The following GMDS variants were observed in gnomAD, a reference collection of about 807,000 sequenced individuals.
The protein encoded by GMDS is GDP-mannose 4,6-dehydratase.
A neutral mutation model predicts 49.9 loss-of-function variants in GMDS; 20 were observed. The ratio of observed to expected loss-of-function variants is 0.40; its 90% CI spans 0.28 to 0.58. The LOEUF (loss-of-function observed/expected upper bound fraction) is 0.58, where lower values mean the gene tolerates loss of function less well. GMDS is among the 20% of genes least tolerant of loss of function. The pLI is 0.42. For synonymous variants in GMDS, 177 were observed against 178.6 expected (o/e 0.99, Z 0.07); for missense variants, 362 against 481.4 (o/e 0.75, Z 2.32).
At chr6:1,900,139 C>A (rs1206596376) in intron 7 of GMDS, among the ~76,000 whole-genome samples, 1 of 152,140 alleles carries the variant, frequency 6.6e-6, no homozygotes, top group Non-Finnish European at 1.5e-5. Context: ...GAGCAGGGAG[C>A]CTTATCTGGG....
chr6:1,806,471 C>G (rs1046711760), intron 7 of GMDS, among the ~76,000 whole-genome samples: 2 of 151,508 alleles, frequency 1.3e-5, no homozygotes, highest in Non-Finnish European at 2.9e-5. Flanking sequence ...CACACACACA[C>G]AGGCACGCAC....
At chr6:1,726,039 C>G (rs1326126469) in intron 9 of GMDS, among the ~76,000 whole-genome samples, 1 of 152,164 alleles carries the variant, frequency 6.6e-6, no homozygotes, top group Non-Finnish European at 1.5e-5. Context: ...ATAGACATAG[C>G]TGGAGAGGAC....
At chr6:1,629,330 C>T (rs142009797) in intron 9 of GMDS, among the ~76,000 whole-genome samples, 66 of 152,112 alleles carry the variant, frequency 4.3e-4, no homozygotes, top group Non-Finnish European at 8.5e-4. Context: ...GCTGTCTATC[C>T]ACACAAACTG....
intron 4 of GMDS, among the ~76,000 whole-genome samples, chr6:2,078,681 C>T (rs1449947421): frequency 1.3e-5 from 2 of 152,032 alleles, no homozygotes; most frequent in African/African-American, 2.4e-5. Context: ...TGTGGCCTAA[C>T]AGTCTATTCT....
chr6:2,181,211 T>C (rs906454155), intron 1 of GMDS, among the ~76,000 whole-genome samples: 9 of 147,442 alleles, frequency 6.1e-5, no homozygotes, highest in East Asian at 2.0e-4. Flanking sequence ...ATCGATGAAA[T>C]TCCATGTTTA....
intron 4 of GMDS, among the ~76,000 whole-genome samples, chr6:1,980,563 G>A (rs1765167232): frequency 1.3e-5 from 2 of 152,032 alleles, no homozygotes; most frequent in Non-Finnish European, 2.9e-5. Flanking sequence ...AGTTCTTAGA[G>A]ACCTTCAAAA....
At chr6:1,690,236 C>A (rs1469418325) in intron 9 of GMDS, among the ~76,000 whole-genome samples, 2 of 152,136 alleles carry the variant, frequency 1.3e-5, no homozygotes, top group African/African-American at 4.8e-5. Context: ...TTAATTAGAT[C>A]CCATTTGTCA....
chr6:2,138,180 A>T (rs866263279), intron 1 of GMDS, among the ~76,000 whole-genome samples: 10 of 152,330 alleles, frequency 6.6e-5, no homozygotes, highest in South Asian at 4.1e-4. Flanking sequence ...TAAATCTTAA[A>T]GTCTGTATTA....
rs59613956 is a variant in GMDS at position 1,624,322 on chromosome 6, G to C, written c.1057-91C>G. On this transcript the variant is annotated intron_variant, in intron 10 of 10. Transcript: ENST00000380815. ...GGGTGTCGGCCCCAGAGAGGCCTCC[G>C]CGTCCCTCGTTCCAGCTCCCCTCAC... 121 of 1,335,646 alleles carry C rather than the reference G, an allele frequency of 9.1e-5. 3 individuals are homozygous for C. In the South Asian group the frequency reaches 1.3e-3, roughly 14 times the overall value. The allele number at this position is 1,335,646 out of a possible 1,614,324, so 82.7% of individuals were successfully genotyped here. A position where few individuals can be genotyped will look rare whatever the true frequency, so the allele number is the denominator to read the frequency against.
intron 7 of GMDS, among the ~76,000 whole-genome samples, chr6:1,883,147 C>G (rs950279920): frequency 2.6e-5 from 4 of 152,094 alleles, no homozygotes; most frequent in Non-Finnish European, 4.4e-5. Context: ...AATCCCAGCA[C>G]TTTGGGAGGC....
intron 7 of GMDS, among the ~76,000 whole-genome samples, chr6:1,815,804 C>T (rs1770640120): frequency 6.6e-6 from 1 of 152,190 alleles, no homozygotes; most frequent in Admixed American, 6.5e-5. Flanking sequence ...CTGTCGTTAG[C>T]TCAGCTGTTT....
intron 1 of GMDS, among the ~76,000 whole-genome samples, chr6:2,230,874 C>A (rs907161462): frequency 1.3e-5 from 2 of 150,692 alleles, no homozygotes; most frequent in Admixed American, 1.3e-4. Context: ...CAAAAAAAAA[C>A]CCCAAAACCT....
chr6:1,714,949 G>A (rs1326381493), intron 9 of GMDS, among the ~76,000 whole-genome samples: 1 of 152,244 alleles, frequency 6.6e-6, no homozygotes, highest in Non-Finnish European at 1.5e-5. Context: ...AGAGGAGCCA[G>A]GGAGCACATC....
At chr6:1,858,966 G>GT (rs1554127322) in intron 7 of GMDS, among the ~76,000 whole-genome samples, 6 of 57,506 alleles carry the variant, frequency 1.0e-4, no homozygotes, top group African/African-American at 1.6e-4. Flanking sequence ...TTTGTGTTTT[G>GT]GGGGGGGCAG....
At chr6:2,051,875 T>A (rs1304204730) in intron 4 of GMDS, among the ~76,000 whole-genome samples, 1 of 152,032 alleles carries the variant, frequency 6.6e-6, no homozygotes, top group Non-Finnish European at 1.5e-5. Context: ...TGCCAGCACT[T>A]TGGGAGGCCT....
At chr6:2,213,390 T>C (rs577651868) in intron 1 of GMDS, among the ~76,000 whole-genome samples, 20 of 152,230 alleles carry the variant, frequency 1.3e-4, no homozygotes, top group Non-Finnish European at 2.8e-4. Flanking sequence ...TTCAATCTTT[T>C]TCATTTGTGA....
At chr6:1,981,816 T>C (rs541140330) in intron 4 of GMDS, among the ~76,000 whole-genome samples, 5 of 152,190 alleles carry the variant, frequency 3.3e-5, no homozygotes, top group Admixed American at 6.5e-5. Flanking sequence ...ATCAGAAAGT[T>C]TATCCACTAC....
At chr6:2,135,217 AAAAT>A (rs1461675887) in intron 1 of GMDS, among the ~76,000 whole-genome samples, 1 of 152,250 alleles carries the variant, frequency 6.6e-6, no homozygotes, top group East Asian at 1.9e-4. Context: ...AGTTTAGCAC[AAAAT>A]AATATTTCAA....
chr6:2,168,301 C>T (rs897757343), intron 1 of GMDS, among the ~76,000 whole-genome samples: 1 of 152,216 alleles, frequency 6.6e-6, no homozygotes, highest in East Asian at 1.9e-4. Flanking sequence ...TTACCAACAA[C>T]AGCATCCAAA....
Sources: gnomAD v4.1 joint callset for allele counts (sites outside exome capture counted in the v4.1 genomes callset) on GRCh38, gnomAD v4.1.1 for gene constraint, MANE v1.5 for transcripts, NCBI Gene and HGNC (gene_info 2026-07-23, HGNC 2026-07-21) for gene names.